The following OPA1 variants were observed in gnomAD, a reference collection of about 807,000 sequenced individuals.
OPA1 encodes the protein dynamin-like GTPase OPA1, mitochondrial.
OPA1 carries 59 observed loss-of-function variants against 152.9 expected under a neutral mutation model. The ratio of observed to expected loss-of-function variants is 0.39; its 90% confidence interval spans 0.31 to 0.48. The LOEUF (loss-of-function observed/expected upper bound fraction) is 0.48. Ranked by LOEUF, OPA1 falls within the 20% of genes least tolerant of loss-of-function variation. The probability of loss-of-function intolerance (pLI) is 0.96; values close to 1 mark genes in which losing one functional copy is unlikely to be tolerated. For missense variants in OPA1, 1,008 were observed against 1,216.8 expected (o/e 0.83, Z 2.55); for synonymous variants, 400 against 389.9 (o/e 1.03, Z -0.31).
chr3:193,645,872 A>T (rs1373980771), intron 18 of OPA1, 72 bp downstream of exon 18: 2 of 1,193,650 alleles, frequency 1.7e-6, no homozygotes, highest in African/African-American at 1.5e-5. Context: ...TTTTCACTTA[A>T]AACATCAGGT....
At chr3:193,651,073 A>T (rs1712301864) in intron 21 of OPA1, among the ~76,000 whole-genome samples, 1 of 152,202 alleles carries the variant, frequency 6.6e-6, no homozygotes, top group South Asian at 2.1e-4. Flanking sequence ...TGTGGCTTTA[A>T]CATAAATGGG....
At chr3:193,668,673 C>G in intron 29 of OPA1, 1 of 1,450,926 alleles carries the variant, frequency 6.9e-7, no homozygotes, top group Non-Finnish European at 9.2e-7. Context: ...CTACCAACAG[C>G]CCCATGTGAA....
chr3:193,625,664 C>A (rs1354226040), intron 6 of OPA1, among the ~76,000 whole-genome samples: 1 of 151,570 alleles, frequency 6.6e-6, no homozygotes. Flanking sequence ...AGAAAAAATA[C>A]TAACTTAAGA....
At chr3:193,630,005 C>A (rs113866462) in intron 7 of OPA1, among the ~76,000 whole-genome samples, 1 of 152,112 alleles carries the variant, frequency 6.6e-6, no homozygotes, top group Non-Finnish European at 1.5e-5. Context: ...ATCAAAGTAC[C>A]TTTTCAAATG....
At chr3:193,648,017 T>C (rs1469519913) in intron 19 of OPA1, 53 bp from the exon 20 acceptor site, 3 of 1,298,370 alleles carry the variant, frequency 2.3e-6, no homozygotes, top group Non-Finnish European at 3.4e-6. Context: ...CTTTAACCAC[T>C]ACATCTGGAA....
chr3:193,692,077 A>G lies in OPA1; in HGVS notation c.2998A>G (p.Ile1000Val). 1 of 1,542,358 alleles carries G rather than the reference A, an allele frequency of 6.5e-7. No homozygotes were observed. Among genetic ancestry groups the G allele is most frequent in the Non-Finnish European group, 8.9e-7 (1 of 1,126,762 alleles). The change falls in exon 30 of 31, where the codon ATT becomes GTT. Residue 1000 changes from isoleucine (I) to valine (V), a missense_variant. Coordinates refer to ENST00000361510, the MANE Select transcript of OPA1 (RefSeq NM_130837.3). ...LAEDLKKVREIQEKLDAFIEA... is the reference protein window; with the variant it reads ...LAEDLKKVREVQEKLDAFIEA... ...TATCTCCACAGAGAAAGTTAGAGAA[A>G]TTCAAGAAAAACTTGATGCTTTCAT...
chr3:193,667,670 CAAAAA>C (rs35232250), intron 29 of OPA1, among the ~76,000 whole-genome samples: 2 of 93,352 alleles, frequency 2.1e-5, no homozygotes, highest in African/African-American at 3.9e-5. Flanking sequence ...GATTCTGTCT[CAAAAA>C]AAAAAAAAAA....
At position 193,657,151 on chromosome 3, in the gene OPA1, C is replaced by T. The variant is rs769658263; in HGVS notation, c.2250C>T (p.Asp750=). Reference sequence around the variant, plus strand: ...AACCGAAAGGGAAAGAGCATGATGACATATTTGATAAACTTAAAGAGGCTG... The same window carrying T: ...AACCGAAAGGGAAAGAGCATGATGATATATTTGATAAACTTAAAGAGGCTG... ...MTEPKGKEHD[D]IFDKLKEAVK... is the part of the protein sequence containing the mutation. The change falls in exon 23 of 31, where the codon GAC becomes GAT. Residue 750 remains aspartate, a synonymous_variant. Transcript: ENST00000361510. 18 of 1,613,666 alleles carry T rather than the reference C, an allele frequency of 1.1e-5. No individual in the cohort carries two copies. The South Asian group carries it at 1.2e-4, about 11-fold the overall frequency.
intron 1 of OPA1, among the ~76,000 whole-genome samples, chr3:193,596,329 TCC>T (rs1725514476): frequency 7.2e-6 from 1 of 138,974 alleles, no homozygotes; most frequent in Non-Finnish European, 1.5e-5. Flanking sequence ...TCCTTTCCTT[TCC>T]TTTCCTTTTC....
intron 21 of OPA1, among the ~76,000 whole-genome samples, chr3:193,649,530 ATCTT>A (rs1386896678): frequency 6.6e-6 from 1 of 152,182 alleles, no homozygotes; most frequent in African/African-American, 2.4e-5. Flanking sequence ...TGCAGAAATT[ATCTT>A]TCTAATGAAG....
intron 1 of OPA1, among the ~76,000 whole-genome samples, chr3:193,609,668 G>A (rs1280204284): frequency 6.6e-6 from 1 of 152,142 alleles, no homozygotes; most frequent in Non-Finnish European, 1.5e-5. Flanking sequence ...GTCACTTTCA[G>A]GTACACCAAT....
intron 7 of OPA1, among the ~76,000 whole-genome samples, chr3:193,627,514 T>C (rs940672831): frequency 2.2e-4 from 34 of 152,204 alleles, no homozygotes; most frequent in African/African-American, 8.0e-4. Flanking sequence ...AGTTTTGTTA[T>C]GGAAAGAAGG....
intron 30 of OPA1, among the ~76,000 whole-genome samples, chr3:193,692,656 G>A (rs1333535597): frequency 1.3e-5 from 2 of 152,132 alleles, no homozygotes. Context: ...TTTCTTGTCT[G>A]ATTCTGCTTT....
At chr3:193,669,796 C>T (rs572183071) in intron 29 of OPA1, among the ~76,000 whole-genome samples, 9 of 152,122 alleles carry the variant, frequency 5.9e-5, no homozygotes, top group Non-Finnish European at 1.0e-4. Flanking sequence ...CATTACTCTC[C>T]GCTCCCAATT....
intron 11 of OPA1, among the ~76,000 whole-genome samples, chr3:193,640,807 G>T (rs1733672728): frequency 6.6e-6 from 1 of 152,146 alleles, no homozygotes; most frequent in African/African-American, 2.4e-5. Flanking sequence ...AAATTACCAA[G>T]AATTATGGCA....
chr3:193,618,655 C>A, intron 5 of OPA1: 1 of 540,672 alleles, frequency 1.8e-6, no homozygotes, highest in Non-Finnish European at 3.3e-6. Flanking sequence ...TTAGGTTAAA[C>A]ATATGCTGCG....
intron 1 of OPA1, among the ~76,000 whole-genome samples, chr3:193,606,095 G>A (rs1727222909): frequency 6.6e-6 from 1 of 152,150 alleles, no homozygotes; most frequent in Non-Finnish European, 1.5e-5. Flanking sequence ...CTCTAGTGGT[G>A]AAACAGTTTG....
intron 1 of OPA1, among the ~76,000 whole-genome samples, chr3:193,604,357 T>G (rs564662517): frequency 1.1e-3 from 169 of 152,316 alleles, no homozygotes; most frequent in African/African-American, 3.8e-3. Context: ...AAGGCTCTGG[T>G]ACAGCATTTT....
chr3:193,642,518 T>C (rs1172462440), intron 11 of OPA1, among the ~76,000 whole-genome samples: 2 of 152,216 alleles, frequency 1.3e-5, no homozygotes, highest in East Asian at 1.9e-4. Flanking sequence ...TCATAAGCGA[T>C]ATAAAGGAAC....
Sources: gnomAD v4.1 joint callset for allele counts (sites outside exome capture counted in the v4.1 genomes callset) on GRCh38, gnomAD v4.1.1 for gene constraint, MANE v1.5 for transcripts, NCBI Gene and HGNC (gene_info 2026-07-23, HGNC 2026-07-21) for gene names.